The following ITPRID1 variants were observed in gnomAD, a reference collection of about 807,000 sequenced individuals.
ITPRID1 encodes ITPR interacting domain containing 1.
ITPRID1 carries 96 observed loss-of-function variants against 95.4 expected under a neutral mutation model. The ratio of observed to expected loss-of-function variants is 1.01; its 90% CI spans 0.85 to 1.19. The LOEUF is 1.19. Among genes scored for constraint, ITPRID1 ranks in the 50% most tolerant of loss-of-function variants. The pLI, the probability that ITPRID1 is intolerant of heterozygous loss-of-function variation, is 0.00. For synonymous variants in ITPRID1, 510 were observed against 453.6 expected, an observed-to-expected ratio of 1.12 and a Z score of -1.58; for missense variants, 1,339 against 1,252.9, an observed-to-expected ratio of 1.07 and a Z score of -1.04.
intron 1 of ITPRID1, among the ~76,000 whole-genome samples, chr7:31,526,708 C>T (rs539598167): frequency 2.6e-5 from 4 of 152,192 alleles, no homozygotes; most frequent in Non-Finnish European, 4.4e-5. Flanking sequence ...TTGCGTCCCC[C>T]GACAGCAATC....
chr7:31,558,040 A>T (rs901373862), intron 5 of ITPRID1, among the ~76,000 whole-genome samples: 1 of 152,168 alleles, frequency 6.6e-6, no homozygotes, highest in African/African-American at 2.4e-5. Flanking sequence ...TAATGCCCTT[A>T]TCCTGGAGTG....
rs375422464 is a variant in ITPRID1 at position 31,643,560 on chromosome 7, C to A, written c.2190C>A (p.Pro730=). ...GGGCTGTGGCCTTGGGGACTGGTCC[C>A]AGAGGAACATCTTTAGAATGCACTG... ...AQRAVALGTG[P]RGTSLECTVC... is the part of the protein sequence containing the mutation. Residue 730 remains proline, a synonymous_variant, in exon 12 of 15, where the codon CCC becomes CCA. Transcript: ENST00000615280. The A allele has an allele frequency of 6.8e-6, 11 of 1,613,892 alleles. No homozygotes were observed. Among genetic ancestry groups the A allele is most frequent in the Non-Finnish European group, 9.3e-6 (11 of 1,179,902 alleles).
intron 10 of ITPRID1, among the ~76,000 whole-genome samples, chr7:31,621,681 G>C (rs1167479307): frequency 2.0e-5 from 3 of 146,614 alleles, no homozygotes; most frequent in Non-Finnish European, 3.0e-5. Context: ...ATCGAGACTA[G>C]CAATAAACTG....
At chr7:31,616,689 G>A (rs1255990244) in intron 10 of ITPRID1, among the ~76,000 whole-genome samples, 2 of 152,166 alleles carry the variant, frequency 1.3e-5, no homozygotes, top group Non-Finnish European at 2.9e-5. Context: ...GTTTTCAATG[G>A]CCTTTTCCTG....
rs566252682 is a variant in ITPRID1, at chr7:31,534,146, T to G, written c.-97-15280T>G. ...ACAATTTCATTCTTAAACCATTCCC[T>G]GCCACCTCCACAACCCTCCTTCCAG... is the stretch of plus-strand genomic sequence containing the variant. On this transcript the variant is annotated intron_variant, in intron 1 of 14. Transcript: ENST00000615280. Among the ~76,000 whole-genome samples the G allele has an allele frequency of 4.6e-5, 7 of 152,298 alleles. No individual in the cohort carries two copies. The East Asian group carries it at 1.2e-3, about 25-fold the overall frequency.
intron 8 of ITPRID1, among the ~76,000 whole-genome samples, 174 bp downstream of exon 8, chr7:31,574,916 G>T (rs965288272): frequency 4.6e-5 from 7 of 152,180 alleles, no homozygotes; most frequent in African/African-American, 1.7e-4. Context: ...GAGTTGGTGT[G>T]TATGTTTTGG....
chr7:31,631,049 A>C (rs1299099591), intron 10 of ITPRID1, among the ~76,000 whole-genome samples: 1 of 152,218 alleles, frequency 6.6e-6, no homozygotes, highest in African/African-American at 2.4e-5. Context: ...AAATATCAAT[A>C]ACTATTGAAG....
At chr7:31,594,945 ATATT>A (rs1310602179) in intron 10 of ITPRID1, among the ~76,000 whole-genome samples, 3 of 152,088 alleles carry the variant, frequency 2.0e-5, no homozygotes, top group Non-Finnish European at 2.9e-5. Flanking sequence ...GGATAAAAAT[ATATT>A]AATTAATTAA....
At chr7:31,515,097 C>G (rs1783004040) in intron 1 of ITPRID1, among the ~76,000 whole-genome samples, 1 of 151,682 alleles carries the variant, frequency 6.6e-6, no homozygotes, top group Admixed American at 6.6e-5. Context: ...ATAACTTTAC[C>G]AGACCATTTT....
At chr7:31,569,241 A>G (rs1180806578) in intron 5 of ITPRID1, among the ~76,000 whole-genome samples, 1 of 152,164 alleles carries the variant, frequency 6.6e-6, no homozygotes, top group African/African-American at 2.4e-5. Flanking sequence ...GATACAAATG[A>G]AGGGAATATG....
rs573516423 is a variant in ITPRID1 at position 31,587,721 on chromosome 7, A to G, written c.1228+4530A>G. Among the ~76,000 whole-genome samples, 13 of 151,300 alleles carry G rather than the reference A, an allele frequency of 8.6e-5. No homozygotes were observed. In the South Asian group the frequency reaches 2.3e-3, roughly 27 times the overall value. ...AAAAGAACAAAGCTGGAGGCATCAC[A>G]CTACCTGACTTCAAACTATACTACA... On this transcript the variant is annotated intron_variant, in intron 10 of 14. Transcript: ENST00000615280.
At chr7:31,635,185 T>C (rs1222733322) in intron 10 of ITPRID1, among the ~76,000 whole-genome samples, 2 of 152,232 alleles carry the variant, frequency 1.3e-5, no homozygotes. Context: ...TTCTCATCCT[T>C]TGTCTCATTT....
intron 10 of ITPRID1, among the ~76,000 whole-genome samples, chr7:31,631,941 G>C (rs1361992938): frequency 6.6e-6 from 1 of 152,190 alleles, no homozygotes; most frequent in Non-Finnish European, 1.5e-5. Flanking sequence ...AGGTACCTTT[G>C]ATGACGCCGG....
chr7:31,636,080 A>G (rs1331156950), intron 10 of ITPRID1, among the ~76,000 whole-genome samples: 2 of 152,192 alleles, frequency 1.3e-5, no homozygotes, highest in Non-Finnish European at 2.9e-5. Flanking sequence ...GGGAAATGCC[A>G]GATGCTTATA....
chr7:31,523,160 C>T (rs907569295), intron 1 of ITPRID1, among the ~76,000 whole-genome samples: 2 of 152,160 alleles, frequency 1.3e-5, no homozygotes, highest in Admixed American at 1.3e-4. Flanking sequence ...CAAATTTATT[C>T]TTTAAGACGA....
intron 10 of ITPRID1, among the ~76,000 whole-genome samples, chr7:31,583,631 AAAAACAAAAC>A (rs1236227611): frequency 6.6e-6 from 1 of 152,182 alleles, no homozygotes; most frequent in Admixed American, 6.5e-5. Context: ...TCCATCTGAA[AAAAACAAAAC>A]AAAACAAAAG....
At chr7:31,620,111 C>T (rs1383155796) in intron 10 of ITPRID1, among the ~76,000 whole-genome samples, 4 of 152,158 alleles carry the variant, frequency 2.6e-5, no homozygotes, top group African/African-American at 7.2e-5. Flanking sequence ...CGGGAAGCTC[C>T]AACTGGGTGG....
rs1423122703 is a variant in ITPRID1 at position 31,578,022 on chromosome 7, TG to T, written c.761del (p.Gly254ValfsTer4). On this transcript the variant is annotated frameshift_variant, in exon 9 of 15. Coordinates refer to ENST00000615280, the MANE Select transcript of ITPRID1 (RefSeq NM_001257967.3). LOFTEE classifies it high-confidence loss of function. The stretch of plus-strand genomic sequence containing the variant: ...GCCGCCAAAGAGCATCGAAGAAGAA[TG>T]GGTAAACTCTTAAGGAGAGCTTCCA... Reference protein sequence around the residue: ...VSAAKEHRRRMGKLLRRASKQ... With the variant: ...VSAAKEHRRRXGKLLRRASKQ... The T allele has an allele frequency of 8.7e-6, 14 of 1,613,790 alleles. No individual in the cohort carries two copies. Among genetic ancestry groups the T allele is most frequent in the Non-Finnish European group, 1.2e-5 (14 of 1,179,844 alleles).
intron 1 of ITPRID1, among the ~76,000 whole-genome samples, chr7:31,547,282 C>T (rs1026755225): frequency 6.6e-6 from 1 of 152,172 alleles, no homozygotes; most frequent in African/African-American, 2.4e-5. Context: ...TTAGTGAGTT[C>T]TCACACTGCT....
Sources: allele counts gnomAD v4.1 joint callset (sites outside exome capture counted in the v4.1 genomes callset), GRCh38; gene constraint gnomAD v4.1.1; transcripts MANE v1.5; gene names NCBI Gene and HGNC (gene_info 2026-07-23, HGNC 2026-07-21).